The following KDSR variants were observed in gnomAD, a reference collection of about 807,000 sequenced individuals.
The protein encoded by KDSR is 3-dehydrosphinganine reductase.
A neutral mutation model predicts 41.3 loss-of-function variants in KDSR; 23 were observed. The ratio of observed to expected loss-of-function variants is 0.56; its 90% CI spans 0.40 to 0.79. KDSR has a LOEUF of 0.79. Among genes scored for constraint, KDSR ranks in the 30% least tolerant of loss-of-function variants. KDSR has a pLI of 0.00. For synonymous variants in KDSR, 138 were observed against 151.7 expected, an observed-to-expected ratio of 0.91 and a Z score of 0.66; for missense variants, 351 against 416.8, an observed-to-expected ratio of 0.84 and a Z score of 1.37.
intron 1 of KDSR, chr18:63,366,774 C>G (rs557505963): frequency 1.9e-4 from 73 of 380,548 alleles, no homozygotes; most frequent in African/African-American, 1.3e-3. Context: ...CGGGGTCCCC[C>G]GTCGCACGCT....
chr18:63,355,583 G>A lies in KDSR; in HGVS notation c.256-20C>T. 6.4e-7 allele frequency: 1 copy of A among 1,554,040 alleles called. No individual in the cohort carries two copies. Among genetic ancestry groups the A allele is most frequent in the Non-Finnish European group, 8.6e-7 (1 of 1,158,496 alleles). On this transcript the variant is annotated intron_variant, in intron 3 of 9. Transcript: ENST00000645214. ...CACCACCTGTTAAAAAAGAAAAAAAGTGATCAAAGTTTTGCAGGTACCAAA... is the reference window on the plus strand; with the variant it reads ...CACCACCTGTTAAAAAAGAAAAAAAATGATCAAAGTTTTGCAGGTACCAAA...
rs771352538 is a variant in KDSR at position 63,367,094 on chromosome 18, G to A, written c.25C>T (p.Leu9Phe). The change falls in exon 1 of 10, where the codon CTC (leucine) becomes TTC (phenylalanine). Residue 9 changes from leucine to phenylalanine, a missense_variant. Transcript: ENST00000645214. MLLLAAAFLVAFVLLLYMV... is the reference protein window; with the variant it reads MLLLAAAFFVAFVLLLYMV... ...TACAGCAGCAGCACGAAGGCCACGA[G>A]GAAGGCGGCAGCCAGCAGCAGCATC... 3 of 1,335,440 alleles carry A rather than the reference G, an allele frequency of 2.2e-6. No homozygotes were observed. Among genetic ancestry groups the A allele is most frequent in the Non-Finnish European group, 2.9e-6 (3 of 1,038,946 alleles). 82.7% of individuals were successfully genotyped at this position (1,335,440 alleles called of 1,614,324 possible). A position where few individuals can be genotyped will look rare whatever the true frequency, so the allele number is the denominator to read the frequency against.
chr18:63,332,168 A>G (rs1025363347), intron 9 of KDSR, among the ~76,000 whole-genome samples: 1 of 152,210 alleles, frequency 6.6e-6, no homozygotes, highest in African/African-American at 2.4e-5. Context: ...TTGCAGTCTT[A>G]GGGTTATAAT....
Position 63,334,352 on chromosome 18 carries a change from C to CTTTT in KDSR, c.879+901_879+904dup, listed in dbSNP as rs71162625. ...CTACTTCATTACACTGCACTACTAT[C>CTTTT]TTTTTTTTTTTTTTTGAGACAGAGT... On this transcript the variant is annotated intron_variant, in intron 9 of 9. Transcript: ENST00000645214. 1.4e-4 allele frequency among the ~76,000 whole-genome samples: 20 copies of CTTTT among 143,720 alleles called. 1 individual carries two copies. The highest frequency in any genetic ancestry group is 2.1e-4 in the Admixed American group (3 of 14,474). The allele number at this position is 143,720 out of a possible 152,430, so 94.3% of individuals were successfully genotyped here.
At chr18:63,331,931 A>T (rs200001154) in intron 9 of KDSR, 30 bp from the exon 10 acceptor site, 2 of 1,610,454 alleles carry the variant, frequency 1.2e-6, no homozygotes, top group African/African-American at 2.7e-5. Context: ...CTTTTAGTGC[A>T]TCCAACGGTA....
In KDSR at chr18:63,338,892, G is replaced by A. The variant is rs1914262939; in HGVS notation, c.694-9C>T. On this transcript the variant is annotated splice_polypyrimidine_tract_variant and intron_variant, in intron 7 of 9. Transcript: ENST00000645214. The stretch of plus-strand genomic sequence containing the variant: ...AGTCGAGTCTCCAAAGGCTAAAAGT[G>A]GAAAAACATGTACATAACAATATCA... The A allele has an allele frequency of 2.6e-6, 4 of 1,546,020 alleles. No individual in the cohort carries two copies. The highest frequency in any genetic ancestry group is 1.7e-4 in the Middle Eastern group (1 of 5,900).
chr18:63,340,466 G>A (rs182804241), intron 7 of KDSR, among the ~76,000 whole-genome samples: 6 of 152,292 alleles, frequency 3.9e-5, no homozygotes, highest in Admixed American at 3.3e-4. Context: ...CAAAGTATTC[G>A]TATAAAAGAG....
intron 7 of KDSR, 34 bp downstream of exon 7, chr18:63,344,376 T>TAC (rs1273572577): frequency 1.1e-5 from 16 of 1,410,472 alleles, no homozygotes; most frequent in Non-Finnish European, 1.6e-5. Flanking sequence ...CAGTAAACAT[T>TAC]AGAGGTTCAA....
chr18:63,366,751 A>C, intron 1 of KDSR: 6 of 360,322 alleles, frequency 1.7e-5, no homozygotes, highest in East Asian at 4.0e-5. Context: ...GGCCCCGGGA[A>C]CCCTGCGGCC....
intron 7 of KDSR, 51 bp from the exon 8 acceptor site, chr18:63,338,934 T>G (rs1354515615): frequency 4.8e-6 from 5 of 1,043,754 alleles, no homozygotes; most frequent in African/African-American, 1.6e-5. Flanking sequence ...CCCATTACAT[T>G]AAAAATAAAT....
Position 63,330,711 on chromosome 18 carries a change from G to A in KDSR, c.*1071C>T, listed in dbSNP as rs561238634. On this transcript the variant is annotated 3_prime_UTR_variant, in exon 10 of 10. Transcript: ENST00000645214. ...TTCCTAAAAGCTACATATATGCTCC[G>A]AGAAAAAGTCACACTTTTTAATTTT... 3.7e-4 allele frequency: 85 copies of A among 230,270 alleles called. 1 individual carries two copies. The highest frequency in any genetic ancestry group is 1.6e-3 in the African/African-American group (70 of 45,132). 14.3% of individuals were successfully genotyped at this position (230,270 alleles called of 1,614,324 possible). A position where few individuals can be genotyped will look rare whatever the true frequency, so the allele number is the denominator to read the frequency against.
intron 3 of KDSR, among the ~76,000 whole-genome samples, chr18:63,355,818 G>A (rs1914779046): frequency 6.6e-6 from 1 of 152,190 alleles, no homozygotes; most frequent in African/African-American, 2.4e-5. Flanking sequence ...GTGACAGAAG[G>A]CAGATCAGGG....
intron 5 of KDSR, 43 bp from the exon 6 acceptor site, chr18:63,351,122 G>A (rs372546740): frequency 5.2e-5 from 76 of 1,467,898 alleles, no homozygotes; most frequent in Admixed American, 1.5e-4. Context: ...AAGCCTCAAG[G>A]CTGTGCACAT....
intron 9 of KDSR, among the ~76,000 whole-genome samples, chr18:63,334,180 A>G (rs1914091505): frequency 6.6e-6 from 1 of 152,212 alleles, no homozygotes; most frequent in Non-Finnish European, 1.5e-5. Flanking sequence ...GAATGAAAAG[A>G]AAAGAGGGCT....
At chr18:63,332,534 G>C (rs928429091) in intron 9 of KDSR, among the ~76,000 whole-genome samples, 1 of 152,120 alleles carries the variant, frequency 6.6e-6, no homozygotes, top group Admixed American at 6.6e-5. Flanking sequence ...CCGTGCATAA[G>C]AGAATGGAAA....
chr18:63,360,787 A>C (rs891667315), intron 2 of KDSR, among the ~76,000 whole-genome samples: 4 of 151,346 alleles, frequency 2.6e-5, no homozygotes, highest in Non-Finnish European at 5.9e-5. Flanking sequence ...AAGAGGCTGA[A>C]GTGAGAGGAT....
chr18:63,335,149 A>C lies in KDSR; in HGVS notation c.879+108T>G, dbSNP rs1473716020. ...ATAGCTCCATAAAAATACATTGTCA[A>C]ATAAAGTTACTTAGTTTTCCCTTAA... On this transcript the variant is annotated intron_variant, in intron 9 of 9. Coordinates refer to ENST00000645214, the MANE Select transcript of KDSR (RefSeq NM_002035.4). The C allele has an allele frequency of 6.0e-6, 4 of 666,732 alleles. No homozygotes were observed. The African/African-American group carries it at 7.2e-5, about 12-fold the overall frequency. 41.3% of individuals were successfully genotyped at this position (666,732 alleles called of 1,614,324 possible).
intron 8 of KDSR, 115 bp from the exon 9 acceptor site, chr18:63,335,473 T>C: frequency 1.4e-6 from 1 of 716,084 alleles, no homozygotes; most frequent in Non-Finnish European, 2.4e-6. Flanking sequence ...GATAAAATGG[T>C]CACAAAGCAT....
At chr18:63,355,841 C>T (rs1914780532) in intron 3 of KDSR, among the ~76,000 whole-genome samples, 1 of 152,166 alleles carries the variant, frequency 6.6e-6, no homozygotes, top group Non-Finnish European at 1.5e-5. Flanking sequence ...TGCCCACAGC[C>T]AGGCATGGAG....
Sources: allele counts gnomAD v4.1 joint callset (sites outside exome capture counted in the v4.1 genomes callset), GRCh38; gene constraint gnomAD v4.1.1; transcripts MANE v1.5; gene names NCBI Gene and HGNC (gene_info 2026-07-23, HGNC 2026-07-21).